Variants in DYM observed in about 807,000 individuals in gnomAD.
DYM encodes the protein dymeclin.
In DYM, 78 loss-of-function variants were observed where a neutral mutation model predicts 93.1. The observed-to-expected ratio is 0.84, with a 90% CI of 0.70 to 1.01. The LOEUF (loss-of-function observed/expected upper bound fraction) is 1.01, where lower values mean the gene tolerates loss of function less well. DYM is among the 50% of genes least tolerant of loss of function. The probability of loss-of-function intolerance (pLI) is 0.00; values close to 1 mark genes in which losing one functional copy is unlikely to be tolerated. For synonymous variants in DYM, 321 were observed against 319.7 expected (o/e 1.00, Z -0.04); for missense variants, 789 against 845.0 (o/e 0.93, Z 0.82).
intron 8 of DYM, 73 bp from the exon 9 acceptor site, chr18:49,286,689 G>A (rs2059688998): frequency 1.4e-6 from 2 of 1,411,214 alleles, no homozygotes; most frequent in African/African-American, 1.4e-5. Flanking sequence ...AGTATTCTGT[G>A]TAATATAATA....
intron 13 of DYM, among the ~76,000 whole-genome samples, chr18:49,234,196 T>C (rs2093793198): frequency 6.6e-6 from 1 of 152,066 alleles, no homozygotes; most frequent in Admixed American, 6.5e-5. Context: ...GGCTCATGCC[T>C]GTAATCTCAA....
At chr18:49,202,083 TCACTTAGCCGAAAA>T (rs1323443412) in intron 14 of DYM, among the ~76,000 whole-genome samples, 1 of 152,186 alleles carries the variant, frequency 6.6e-6, no homozygotes, top group Non-Finnish European at 1.5e-5. Context: ...GGCCACAGGG[TCACTTAGCCGAAAA>T]CTTTCTTTCC....
At chr18:49,191,497 T>C (rs765893211) in intron 14 of DYM, among the ~76,000 whole-genome samples, 1 of 152,102 alleles carries the variant, frequency 6.6e-6, no homozygotes, top group Non-Finnish European at 1.5e-5. Flanking sequence ...TACAACACCA[T>C]GAAATTTTTA....
intron 14 of DYM, among the ~76,000 whole-genome samples, chr18:49,197,364 G>A (rs143216571): frequency 3.3e-5 from 5 of 152,016 alleles, no homozygotes; most frequent in East Asian, 3.9e-4. Context: ...TGGCAAAAGG[G>A]GGGGAAGAAA....
At chr18:49,213,913 G>A (rs1017267851) in intron 13 of DYM, among the ~76,000 whole-genome samples, 1 of 152,184 alleles carries the variant, frequency 6.6e-6, no homozygotes, top group African/African-American at 2.4e-5. Flanking sequence ...TAACTAGCAT[G>A]ATTTTGGAAG....
At chr18:49,402,763 C>T (rs1022873489) in intron 2 of DYM, among the ~76,000 whole-genome samples, 4 of 152,190 alleles carry the variant, frequency 2.6e-5, no homozygotes, top group Non-Finnish European at 5.9e-5. Context: ...CTCAGTTTAA[C>T]CACTGCCATC....
intron 13 of DYM, among the ~76,000 whole-genome samples, chr18:49,238,727 G>T (rs2038784274): frequency 6.6e-6 from 1 of 151,824 alleles, no homozygotes; most frequent in African/African-American, 2.4e-5. Context: ...AGGAGGCAGA[G>T]GTTGCAGTGA....
At chr18:49,389,314 CTGTGTGTGTG>C (rs557570171) in intron 3 of DYM, among the ~76,000 whole-genome samples, 2 of 148,086 alleles carry the variant, frequency 1.4e-5, no homozygotes, top group African/African-American at 5.0e-5. Context: ...GTGTGTGTGT[CTGTGTGTGTG>C]TGTGTGTGGT....
chr18:49,237,805 T>C (rs1165395787), intron 13 of DYM, among the ~76,000 whole-genome samples: 5 of 152,164 alleles, frequency 3.3e-5, no homozygotes, highest in African/African-American at 4.8e-5. Flanking sequence ...CAAACAAATA[T>C]TATTTTCCCC....
At chr18:49,076,248 TATG>T (rs560121446) in intron 17 of DYM, among the ~76,000 whole-genome samples, 10 of 152,334 alleles carry the variant, frequency 6.6e-5, no homozygotes, top group South Asian at 6.2e-4. Flanking sequence ...GGAAAAATAT[TATG>T]ATGTTTTAAA....
At chr18:49,297,459 A>G (rs879676329) in intron 8 of DYM, among the ~76,000 whole-genome samples, 1 of 152,182 alleles carries the variant, frequency 6.6e-6, no homozygotes, top group Non-Finnish European at 1.5e-5. Context: ...AGGGTTCTGG[A>G]GTGCTGGAAT....
chr18:49,156,206 T>C (rs2086404975), intron 15 of DYM, among the ~76,000 whole-genome samples: 1 of 152,224 alleles, frequency 6.6e-6, no homozygotes, highest in South Asian at 2.1e-4. Context: ...GAAAAATGTC[T>C]ATTAAGATTT....
At chr18:49,231,759 A>G (rs2093701998) in intron 13 of DYM, among the ~76,000 whole-genome samples, 1 of 152,200 alleles carries the variant, frequency 6.6e-6, no homozygotes, top group Non-Finnish European at 1.5e-5. Context: ...AGCTGTTACA[A>G]TGCTTCGTAG....
At chr18:49,364,358 T>C (rs750135760) in intron 5 of DYM, among the ~76,000 whole-genome samples, 2 of 151,936 alleles carry the variant, frequency 1.3e-5, no homozygotes, top group Non-Finnish European at 2.9e-5. Flanking sequence ...GACAGGAGAA[T>C]TGCTTGAACC....
At chr18:49,433,283 A>G (rs1485511725) in intron 1 of DYM, among the ~76,000 whole-genome samples, 2 of 152,218 alleles carry the variant, frequency 1.3e-5, no homozygotes, top group African/African-American at 4.8e-5. Context: ...TTATATGGAG[A>G]ATAAAGTAAA....
chr18:49,230,764 G>A (rs188082640), intron 13 of DYM, among the ~76,000 whole-genome samples: 5 of 152,222 alleles, frequency 3.3e-5, no homozygotes, highest in South Asian at 4.1e-4. Flanking sequence ...TGAGACATAC[G>A]CCTTATAATT....
intron 10 of DYM, among the ~76,000 whole-genome samples, chr18:49,281,504 G>C (rs900826370): frequency 1.3e-5 from 2 of 152,188 alleles, no homozygotes; most frequent in Non-Finnish European, 2.9e-5. Flanking sequence ...ACATGCACAC[G>C]CATGTTTATG....
At chr18:49,276,763 G>T (rs78855842) in intron 10 of DYM, among the ~76,000 whole-genome samples, 12,175 of 152,134 alleles carry the variant, frequency 0.08, 773 homozygotes, top group East Asian at 0.31. Context: ...ACATGAAAGG[G>T]CTTTAAAAGT....
chr18:49,249,296 C>CCATT (rs199825295), intron 13 of DYM, among the ~76,000 whole-genome samples: 2,153 of 152,196 alleles, frequency 0.014, 49 homozygotes, highest in African/African-American at 0.049. Context: ...ATAAATTTAT[C>CCATT]ATTAAATGGA....
Sources: allele counts gnomAD v4.1 joint callset (sites outside exome capture counted in the v4.1 genomes callset), GRCh38; gene constraint gnomAD v4.1.1; transcripts MANE v1.5; gene names NCBI Gene and HGNC (gene_info 2026-07-23, HGNC 2026-07-21).